CRYBG1: variants seen among roughly 807,000 people sequenced by gnomAD.
CRYBG1 encodes the protein crystallin beta-gamma domain containing 1.
CRYBG1 carries 139 observed loss-of-function variants against 189.2 expected under a neutral mutation model. That is an observed-to-expected ratio of 0.73 (90% CI 0.64 to 0.85). The LOEUF (loss-of-function observed/expected upper bound fraction) is 0.85. CRYBG1 is among the 40% of genes least tolerant of loss of function. The pLI is 0.00. For missense variants in CRYBG1, 2,611 were observed against 2,675.8 expected, an observed-to-expected ratio of 0.98 and a Z score of 0.53; for synonymous variants, 1,023 against 1,017.1, an observed-to-expected ratio of 1.01 and a Z score of -0.11.
rs1582839387 is a variant in CRYBG1 at position 106,558,507 on chromosome 6, A to G, written c.5737A>G (p.Ile1913Val). 1 of 1,602,264 alleles carries G rather than the reference A, an allele frequency of 6.2e-7. No homozygotes were observed. Among genetic ancestry groups the G allele is most frequent in the East Asian group, 2.2e-5 (1 of 44,732 alleles). Reference sequence around the variant, plus strand: ...ACAGGAATTTTCTGAACCAACAATTATTCTCTTTGAAAGAGAAGACTTCAA... The same window carrying G: ...ACAGGAATTTTCTGAACCAACAATTGTTCTCTTTGAAAGAGAAGACTTCAA... ...IDVEFSEPTIILFEREDFKGK... is the reference protein window; with the variant it reads ...IDVEFSEPTIVLFEREDFKGK... Residue 1913 changes from isoleucine (I) to valine (V), a missense_variant, in exon 18 of 22, where the codon ATT becomes GTT. By Grantham distance (29) the Ile-to-Val change is conservative (BLOSUM62 3). Coordinates refer to ENST00000633556, the MANE Select transcript of CRYBG1 (RefSeq NM_001371242.2).
chr6:106,384,367 T>G (rs1178945044), intron 1 of CRYBG1, among the ~76,000 whole-genome samples: 1 of 152,168 alleles, frequency 6.6e-6, no homozygotes, highest in African/African-American at 2.4e-5. Context: ...ATGATTTAAG[T>G]GCATTACACT....
intron 2 of CRYBG1, among the ~76,000 whole-genome samples, chr6:106,471,615 A>C (rs1017284633): frequency 6.6e-6 from 1 of 152,088 alleles, no homozygotes; most frequent in African/African-American, 2.4e-5. Context: ...ACAATTTTTT[A>C]AGTACAAGTT....
intron 1 of CRYBG1, 40 bp downstream of exon 1, chr6:106,361,121 T>G (rs1458932088): frequency 2.6e-6 from 4 of 1,518,720 alleles, no homozygotes; most frequent in Non-Finnish European, 3.5e-6. Context: ...CACCTCCTCC[T>G]CCTCCTCCTT....
At chr6:106,433,581 G>A (rs923229217) in intron 1 of CRYBG1, among the ~76,000 whole-genome samples, 3 of 151,838 alleles carry the variant, frequency 2.0e-5, no homozygotes, top group Non-Finnish European at 4.4e-5. Context: ...TTATAGTATA[G>A]AGGAAAGTCT....
intron 2 of CRYBG1, among the ~76,000 whole-genome samples, chr6:106,496,251 AAAC>A (rs1772848925): frequency 6.6e-6 from 1 of 152,240 alleles, no homozygotes; most frequent in Non-Finnish European, 1.5e-5. Context: ...AAGACCTATT[AAAC>A]TTTGCTTCAC....
intron 1 of CRYBG1, among the ~76,000 whole-genome samples, chr6:106,425,111 T>C (rs1218697787): frequency 6.6e-6 from 1 of 152,200 alleles, no homozygotes; most frequent in African/African-American, 2.4e-5. Context: ...GGTATTTTTC[T>C]TGCTCCTCCT....
chr6:106,512,108 GC>G lies in CRYBG1; in HGVS notation c.994del (p.Arg332AlafsTer45). The G allele has an allele frequency of 6.5e-7, 1 of 1,534,404 alleles. No homozygotes were observed. The highest frequency in any genetic ancestry group is 8.7e-7 in the Non-Finnish European group (1 of 1,146,152). ...AEEGSLGPRN[A>X]RSQPPKGASD... is the part of the protein sequence containing the mutation. ...AGAAGGCTCCCTGGGGCCCCGCAACGCCCGCAGCCAGCCCCCCAAGGGCGCG... is the reference window on the plus strand; with the variant it reads ...AGAAGGCTCCCTGGGGCCCCGCAACGCCGCAGCCAGCCCCCCAAGGGCGCG... On this transcript the variant is annotated frameshift_variant, in exon 3 of 22. Transcript: ENST00000633556. LOFTEE classifies it high-confidence loss of function.
intron 2 of CRYBG1, among the ~76,000 whole-genome samples, chr6:106,461,791 G>A (rs546031604): frequency 9.9e-5 from 15 of 152,246 alleles, no homozygotes; most frequent in African/African-American, 3.6e-4. Context: ...AGCCTCCATG[G>A]GGGGTTCAAC....
intron 1 of CRYBG1, among the ~76,000 whole-genome samples, chr6:106,435,086 G>GAAACA (rs1480189013): frequency 6.6e-6 from 1 of 152,096 alleles, no homozygotes; most frequent in Non-Finnish European, 1.5e-5. Context: ...TGCACAACAG[G>GAAACA]AAACAAAACA....
intron 2 of CRYBG1, among the ~76,000 whole-genome samples, chr6:106,511,162 C>T (rs1012524973): frequency 1.3e-5 from 2 of 152,036 alleles, no homozygotes; most frequent in Admixed American, 6.6e-5. Flanking sequence ...TTATTTGGAC[C>T]GTTCAAATTT....
intron 2 of CRYBG1, among the ~76,000 whole-genome samples, chr6:106,494,820 G>A (rs922899754): frequency 1.3e-5 from 2 of 152,092 alleles, no homozygotes; most frequent in African/African-American, 4.8e-5. Context: ...GTAGTTTGTA[G>A]TGTATAATGT....
In CRYBG1 at chr6:106,560,838, G is replaced by A. The variant is rs753365695; in HGVS notation, c.5891G>A (p.Arg1964Gln). The A allele has an allele frequency of 1.5e-5, 24 of 1,613,090 alleles. No homozygotes were observed. The African/African-American group carries it at 1.7e-4, about 12-fold the overall frequency. Residue 1964 changes from arginine to glutamine, a missense_variant, in exon 19 of 22, where the codon CGA becomes CAA. Transcript: ENST00000633556. ...VTYEYGSYRG[R>Q]QFLLSPAEVP... ...TATGAATATGGCAGTTACAGAGGGC[G>A]ACAGTTCCTATTGTCACCTGCAGAA...
intron 1 of CRYBG1, among the ~76,000 whole-genome samples, chr6:106,377,347 T>C (rs1562290306): frequency 6.6e-6 from 1 of 152,128 alleles, no homozygotes; most frequent in Non-Finnish European, 1.5e-5. Flanking sequence ...TTTTCTTACT[T>C]AAAGGAGACA....
At chr6:106,484,974 G>C (rs777103377) in intron 2 of CRYBG1, among the ~76,000 whole-genome samples, 1 of 152,064 alleles carries the variant, frequency 6.6e-6, no homozygotes, top group African/African-American at 2.4e-5. Flanking sequence ...CTGGGCAAAA[G>C]AGCAAGACCC....
chr6:106,448,956 C>T (rs1477899004), intron 1 of CRYBG1, among the ~76,000 whole-genome samples: 1 of 152,172 alleles, frequency 6.6e-6, no homozygotes, highest in African/African-American at 2.4e-5. Context: ...AGAAATGTAG[C>T]AGTGACTAAA....
intron 1 of CRYBG1, among the ~76,000 whole-genome samples, chr6:106,369,562 T>C (rs1022521556): frequency 1.1e-4 from 16 of 152,214 alleles, no homozygotes; most frequent in Non-Finnish European, 1.6e-4. Context: ...AGTAGTAGCA[T>C]AAGCTCATGA....
chr6:106,553,558 C>T lies in CRYBG1; in HGVS notation c.5576C>T (p.Ser1859Leu), dbSNP rs1290953186. The change falls in exon 16 of 22, where the codon TCA becomes TTA. Residue 1859 changes from serine to leucine, a missense_variant. Transcript: ENST00000633556. ...TTTTCTACCAAGTCTTGCAGAGTTT[C>T]AGGAGGCAGGTAAGTGAAACAAAGG... Reference protein sequence around the residue: ...DSFSTKSCRVSGGSWVVYDGE... With the variant: ...DSFSTKSCRVLGGSWVVYDGE... 1.9e-6 allele frequency: 3 copies of T among 1,609,178 alleles called. No individual in the cohort carries two copies. Among genetic ancestry groups the T allele is most frequent in the Non-Finnish European group, 2.6e-6 (3 of 1,175,690 alleles).
chr6:106,560,804 T>A lies in CRYBG1; in HGVS notation c.5857T>A (p.Trp1953Arg). Residue 1953 changes from tryptophan to arginine, a missense_variant and splice_region_variant, in exon 19 of 22, where the codon TGG (tryptophan) becomes AGG (arginine). Coordinates refer to ENST00000633556, the MANE Select transcript of CRYBG1 (RefSeq NM_001371242.2). The stretch of plus-strand genomic sequence containing the variant: ...TACTGTGGTTATTTTTGTTTTCAGA[T>A]GGGTTACTTATGAATATGGCAGTTA... ...IRSVQVIGGI[W>R]VTYEYGSYRG... 6.2e-7 allele frequency: 1 copy of A among 1,603,266 alleles called. No individual in the cohort carries two copies. Among genetic ancestry groups the A allele is most frequent in the Non-Finnish European group, 8.5e-7 (1 of 1,175,814 alleles).
chr6:106,377,386 T>C (rs1336742799), intron 1 of CRYBG1, among the ~76,000 whole-genome samples: 1 of 152,116 alleles, frequency 6.6e-6, no homozygotes, highest in African/African-American at 2.4e-5. Flanking sequence ...GTTAACTTCA[T>C]TCCGTTTTGC....
Sources: gnomAD v4.1 joint callset for allele counts (sites outside exome capture counted in the v4.1 genomes callset) on GRCh38, gnomAD v4.1.1 for gene constraint, MANE v1.5 for transcripts, NCBI Gene and HGNC (gene_info 2026-07-23, HGNC 2026-07-21) for gene names.